The following DEFB108B variants were observed in gnomAD, a reference collection of about 807,000 sequenced individuals.
The protein encoded by DEFB108B is beta-defensin 108B.
A neutral mutation model predicts 2.4 loss-of-function variants in DEFB108B; 3 were observed. The observed-to-expected ratio is 1.25, with a 90% CI of 0.57 to 3.24. The LOEUF is 3.24. DEFB108B is among the 30% of genes most tolerant of loss of function. DEFB108B has a pLI of 0.03. For synonymous variants in DEFB108B, 25 were observed against 28.7 expected (o/e 0.87, Z 0.41); for missense variants, 101 against 87.8 (o/e 1.15, Z -0.60).
In DEFB108B at chr11:71,837,594, C is replaced by T. The variant is rs1162340104; in HGVS notation, c.*32C>T. 2 of 1,600,060 alleles carry T rather than the reference C, an allele frequency of 1.2e-6. No homozygotes were observed. The highest frequency in any genetic ancestry group is 2.3e-5 in the South Asian group (2 of 88,686). ...TTGTTTTCTGGAGGTTTTATGTTCT[C>T]TTTTTTCTCTCTCCCTCTCTCTGTC... On this transcript the variant is annotated 3_prime_UTR_variant, in exon 2 of 2. Transcript: ENST00000328698.
chr11:71,835,470 C>T (rs1952210565), intron 1 of DEFB108B, among the ~76,000 whole-genome samples: 1 of 152,184 alleles, frequency 6.6e-6, no homozygotes, highest in Non-Finnish European at 1.5e-5. Flanking sequence ...ACTACATTTG[C>T]TTTATTCAAT....
rs1032741311 is a variant in DEFB108B, at chr11:71,836,870, T to G, written c.59-529T>G. 3.6e-4 allele frequency among the ~76,000 whole-genome samples: 54 copies of G among 152,076 alleles called. 2 individuals are homozygous for G. Among genetic ancestry groups the G allele is most frequent in the Admixed American group, 2.5e-3 (38 of 15,276 alleles). On this transcript the variant is annotated intron_variant, in intron 1 of 1. Transcript: ENST00000328698. ...ATCCTCTCTAACAATTAAAGTATAT[T>G]GTCTTTTAGGTCTATATTTCAGTTC...
intron 1 of DEFB108B, among the ~76,000 whole-genome samples, chr11:71,833,937 G>T (rs1475663396): frequency 2.0e-5 from 3 of 152,182 alleles, no homozygotes; most frequent in African/African-American, 4.8e-5. Context: ...GGAGAAGTGT[G>T]TCTAGGACTT....
chr11:71,835,236 C>T (rs1952208941), intron 1 of DEFB108B, among the ~76,000 whole-genome samples: 1 of 152,024 alleles, frequency 6.6e-6, no homozygotes, highest in South Asian at 2.1e-4. Flanking sequence ...GACTTTACTC[C>T]CTCTCCCTCC....
chr11:71,836,789 C>T (rs1334724225), intron 1 of DEFB108B, among the ~76,000 whole-genome samples: 3 of 152,158 alleles, frequency 2.0e-5, no homozygotes, highest in African/African-American at 7.2e-5. Context: ...AGTACTGGCA[C>T]AGATATATTT....
intron 1 of DEFB108B, among the ~76,000 whole-genome samples, chr11:71,836,126 C>A (rs528684580): frequency 6.6e-6 from 1 of 152,256 alleles, no homozygotes; most frequent in Admixed American, 6.5e-5. Context: ...TGACTACTTA[C>A]AGATAAAAGG....
At chr11:71,837,290 A>T in intron 1 of DEFB108B, 109 bp from the exon 2 acceptor site, 1 of 1,374,110 alleles carries the variant, frequency 7.3e-7, no homozygotes, top group Admixed American at 1.8e-5. Context: ...ACACACACAC[A>T]CAAATCCACA....
At chr11:71,835,908 G>C (rs1952213373) in intron 1 of DEFB108B, among the ~76,000 whole-genome samples, 1 of 152,192 alleles carries the variant, frequency 6.6e-6, no homozygotes, top group Non-Finnish European at 1.5e-5. Flanking sequence ...TCATTATCAA[G>C]AATTGAGGTC....
intron 1 of DEFB108B, chr11:71,834,717 C>G (rs555039879): frequency 6.6e-6 from 1 of 152,224 alleles, no homozygotes; most frequent in Admixed American, 6.5e-5. Flanking sequence ...GAGGAGGACA[C>G]AGAGAGAGGG....
intron 1 of DEFB108B, among the ~76,000 whole-genome samples, chr11:71,836,868 AT>A (rs1287933199): frequency 3.7e-4 from 57 of 152,202 alleles, no homozygotes; most frequent in African/African-American, 1.4e-3. Flanking sequence ...ATTAAAGTAT[AT>A]TGTCTTTTAG....
At chr11:71,835,999 C>A (rs865819489) in intron 1 of DEFB108B, among the ~76,000 whole-genome samples, 1 of 152,110 alleles carries the variant, frequency 6.6e-6, no homozygotes, top group Admixed American at 6.5e-5. Context: ...TCACATATCA[C>A]AAGACAGGTC....
chr11:71,836,258 T>C (rs1382411167), intron 1 of DEFB108B, among the ~76,000 whole-genome samples: 1 of 152,236 alleles, frequency 6.6e-6, no homozygotes, highest in Middle Eastern at 3.2e-3. Context: ...ATTTGCATTA[T>C]AGATATAAAT....
intron 1 of DEFB108B, among the ~76,000 whole-genome samples, chr11:71,835,316 C>G (rs1952209695): frequency 6.6e-6 from 1 of 152,152 alleles, no homozygotes; most frequent in South Asian, 2.1e-4. Context: ...TCGGCCCCCC[C>G]TTATAACTGA....
At chr11:71,836,200 C>G (rs1469709613) in intron 1 of DEFB108B, among the ~76,000 whole-genome samples, 1 of 152,220 alleles carries the variant, frequency 6.6e-6, no homozygotes, top group Non-Finnish European at 1.5e-5. Flanking sequence ...AAGTGACCAA[C>G]ATCTAGAATT....
chr11:71,836,514 C>A (rs1236572415), intron 1 of DEFB108B, among the ~76,000 whole-genome samples: 1 of 152,102 alleles, frequency 6.6e-6, no homozygotes, highest in Admixed American at 6.5e-5. Context: ...GGAAAAGGTG[C>A]TCTGTGTTAC....
rs1449650275 is a variant in DEFB108B, at chr11:71,837,328, AC to A, written c.59-70del. 13 of 1,564,022 alleles carry A rather than the reference AC, an allele frequency of 8.3e-6. No homozygotes were observed. In the African/African-American group the frequency reaches 1.6e-4, roughly 19 times the overall value. On this transcript the variant is annotated intron_variant, in intron 1 of 1. Transcript: ENST00000328698. ...AGATTATTTTCAAGCACTGCCCCCT[AC>A]ATCCATGTAATTCAACACAAAGTAA...
At chr11:71,834,919 G>A (rs554212746) in intron 1 of DEFB108B, 4 of 152,246 alleles carry the variant, frequency 2.6e-5, no homozygotes, top group African/African-American at 9.6e-5. Flanking sequence ...TGTTCCTAAA[G>A]CAAATAGCTG....
intron 1 of DEFB108B, among the ~76,000 whole-genome samples, chr11:71,833,833 G>A (rs1952196714): frequency 5.9e-5 from 9 of 152,032 alleles, no homozygotes; most frequent in Admixed American, 5.9e-4. Flanking sequence ...TTAAACACAG[G>A]AACCAGGGAT....
At chr11:71,837,215 A>G in intron 1 of DEFB108B, 184 bp from the exon 2 acceptor site, 2 of 816,406 alleles carry the variant, frequency 2.4e-6, no homozygotes, top group South Asian at 1.9e-5. Flanking sequence ...GAACACCAAA[A>G]AATCCAAATC....
Sources: gnomAD v4.1 joint callset for allele counts (sites outside exome capture counted in the v4.1 genomes callset) on GRCh38, gnomAD v4.1.1 for gene constraint, MANE v1.5 for transcripts, NCBI Gene and HGNC (gene_info 2026-07-23, HGNC 2026-07-21) for gene names.